XRN1: variants seen among roughly 807,000 people sequenced by gnomAD.
XRN1 encodes the protein 5'-3' exoribonuclease 1, also known as strand-exchange protein 1 homolog.
A neutral mutation model predicts 222.3 loss-of-function variants in XRN1; 67 were observed. That is an observed-to-expected ratio of 0.30 (90% confidence interval 0.25 to 0.37). The LOEUF (loss-of-function observed/expected upper bound fraction) is 0.37. Among genes scored for constraint, XRN1 ranks in the 10% least tolerant of loss-of-function variants. XRN1 has a pLI of 1.00. For missense variants in XRN1, 1,707 were observed against 2,000.2 expected, an observed-to-expected ratio of 0.85 and a Z score of 2.80; for synonymous variants, 643 against 652.4, an observed-to-expected ratio of 0.99 and a Z score of 0.22.
chr3:142,391,679 T>C (rs1276107576), intron 20 of XRN1, among the ~76,000 whole-genome samples: 1 of 148,654 alleles, frequency 6.7e-6, no homozygotes, highest in African/African-American at 2.5e-5. Flanking sequence ...TGGTGAGGTA[T>C]AATATGAATG....
intron 25 of XRN1, among the ~76,000 whole-genome samples, chr3:142,375,231 T>C (rs2067106840): frequency 6.6e-6 from 1 of 152,178 alleles, no homozygotes; most frequent in African/African-American, 2.4e-5. Flanking sequence ...GATCTTCAAA[T>C]ATAAGGTTAG....
In XRN1 at chr3:142,383,359, A is replaced by G. The variant is rs2067371802; in HGVS notation, c.2557T>C (p.Phe853Leu). 1 of 1,613,980 alleles carries G rather than the reference A, an allele frequency of 6.2e-7. No individual in the cohort carries two copies. The highest frequency in any genetic ancestry group is 1.1e-5 in the South Asian group (1 of 91,062). The change falls in exon 22 of 41, where the codon TTT becomes CTT. Residue 853 changes from phenylalanine (F) to leucine (L), a missense_variant. By Grantham distance (22) the Phe-to-Leu change is conservative. Around this residue, in one of 2 missense-constraint regions of XRN1, gnomAD observed 1,234 missense variants for 1,518.2 expected, o/e 0.81. Coordinates refer to ENST00000392981, the MANE Select transcript of XRN1 (RefSeq NM_001282857.2). ...FSNIKTLDDLFPLRSMVFMLG... is the reference protein window; with the variant it reads ...FSNIKTLDDLLPLRSMVFMLG... Reference sequence around the variant, plus strand: ...ATAAAGACCATACTTCTCAGAGGAAACAAATCATCCAATGTTTTGATATTG... The same window carrying G: ...ATAAAGACCATACTTCTCAGAGGAAGCAAATCATCCAATGTTTTGATATTG...
chr3:142,404,785 T>C, intron 16 of XRN1, 122 bp downstream of exon 16: 1 of 889,712 alleles, frequency 1.1e-6, no homozygotes, highest in Non-Finnish European at 1.7e-6. Context: ...CAATTGACTA[T>C]AACTGTCATA....
chr3:142,372,726 G>A (rs757679457), intron 25 of XRN1, among the ~76,000 whole-genome samples: 1 of 152,222 alleles, frequency 6.6e-6, no homozygotes, highest in South Asian at 2.1e-4. Context: ...TTGAAAAGTG[G>A]TCTGGGAGGT....
At chr3:142,443,227 C>A (rs1269840973) in intron 1 of XRN1, among the ~76,000 whole-genome samples, 2 of 152,180 alleles carry the variant, frequency 1.3e-5, no homozygotes, top group Non-Finnish European at 2.9e-5. Flanking sequence ...GAAATCTCAA[C>A]TGCACCACCC....
rs112937213 is a variant in XRN1, at chr3:142,342,375, A to T, written c.3877+4859T>A. 6.8e-3 allele frequency among the ~76,000 whole-genome samples: 1,030 copies of T among 152,322 alleles called. 16 individuals carry two copies. The highest frequency in any genetic ancestry group is 0.023 in the African/African-American group (976 of 41,576). On this transcript the variant is annotated intron_variant, in intron 33 of 40. Transcript: ENST00000392981. Reference sequence around the variant, plus strand: ...TTAAAATGTCCTATTACTCAAAGGGATCTACAGATTCAATGCAATCCCTGT... The same window carrying T: ...TTAAAATGTCCTATTACTCAAAGGGTTCTACAGATTCAATGCAATCCCTGT...
chr3:142,308,837 C>T lies in XRN1; in HGVS notation c.*2674G>A, dbSNP rs892133076. ...AATCTGTCCTATGCCCTAAACAGTC[C>T]ACCATTTTCACAAAAAGTCCTCAGA... On this transcript the variant is annotated 3_prime_UTR_variant, in exon 41 of 41. Transcript: ENST00000392981. 1 of 152,122 alleles carries T rather than the reference C, an allele frequency of 6.6e-6. No individual in the cohort carries two copies. Among genetic ancestry groups the T allele is most frequent in the Non-Finnish European group, 1.5e-5 (1 of 68,010 alleles). The allele number at this position is 152,122 out of a possible 1,614,324, so 9.4% of individuals were successfully genotyped here.
chr3:142,398,231 T>C (rs1412975553), intron 19 of XRN1, among the ~76,000 whole-genome samples: 1 of 152,014 alleles, frequency 6.6e-6, no homozygotes, highest in Non-Finnish European at 1.5e-5. Flanking sequence ...GAGCAAGACC[T>C]TGTCTCTCCC....
chr3:142,422,448 C>G, intron 8 of XRN1, 134 bp downstream of exon 8: 1 of 957,134 alleles, frequency 1.0e-6, no homozygotes, highest in East Asian at 2.6e-5. Flanking sequence ...GAGGTTAGCA[C>G]CTTAGACCAA....
At chr3:142,445,069 C>T (rs2070447431) in intron 1 of XRN1, among the ~76,000 whole-genome samples, 1 of 152,110 alleles carries the variant, frequency 6.6e-6, no homozygotes, top group African/African-American at 2.4e-5. Context: ...GCCTATCTTT[C>T]TTATCGTTAC....
At chr3:142,313,463 A>G (rs536302263) in intron 39 of XRN1, among the ~76,000 whole-genome samples, 6 of 152,216 alleles carry the variant, frequency 3.9e-5, no homozygotes, top group Admixed American at 3.9e-4. Context: ...TTATGGAGAC[A>G]GCCTGTACCA....
rs182996472 is a variant in XRN1 at position 142,357,297 on chromosome 3, A to G, written c.3465-178T>C. The stretch of plus-strand genomic sequence containing the variant: ...TCAATTTATAAGATGATGTATTTCT[A>G]AAAACTTTCCTAAGAGCATATTTAG... On this transcript the variant is annotated intron_variant, in intron 30 of 40. Transcript: ENST00000392981. Among the ~76,000 whole-genome samples, 4 of 152,328 alleles carry G rather than the reference A, an allele frequency of 2.6e-5. No individual in the cohort carries two copies. The East Asian group carries it at 7.7e-4, about 29-fold the overall frequency.
Position 142,421,026 on chromosome 3 carries a change from T to G in XRN1, c.1163A>C (p.Lys388Thr), listed in dbSNP as rs779713923. Residue 388 changes from lysine (K) to threonine (T), a missense_variant, in exon 10 of 41, where the codon AAA (lysine) becomes ACA (threonine). Lys to Thr is a moderately conservative substitution (Grantham distance 78). Around this residue, in one of 2 missense-constraint regions of XRN1, gnomAD observed 1,234 missense variants for 1,518.2 expected, o/e 0.81. Coordinates refer to ENST00000392981, the MANE Select transcript of XRN1 (RefSeq NM_001282857.2). The part of the protein sequence containing the change: ...AEEARNYKEK[K>T]KLKGQENSLC... ...TAAAAAAATAGACACCTTTAACTTTTTCTTTTCCTTGTAGTTCCTGGCTTC... is the reference window on the plus strand; with the variant it reads ...TAAAAAAATAGACACCTTTAACTTTGTCTTTTCCTTGTAGTTCCTGGCTTC... 6.2e-7 allele frequency: 1 copy of G among 1,614,020 alleles called. No homozygotes were observed. The highest frequency in any genetic ancestry group is 1.1e-5 in the South Asian group (1 of 91,060).
At chr3:142,441,650 G>A (rs1030313630) in intron 1 of XRN1, among the ~76,000 whole-genome samples, 1 of 152,150 alleles carries the variant, frequency 6.6e-6, no homozygotes, top group Non-Finnish European at 1.5e-5. Flanking sequence ...TGATGTGAAT[G>A]GTATACTCAC....
At position 142,414,201 on chromosome 3, in the gene XRN1, C is replaced by T. The variant is rs778938491; in HGVS notation, c.1527G>A (p.Lys509=). ...KIHFELGKPF[K]PFEQLLAVLP... is the part of the protein sequence containing the mutation. ...GTACAGCAAGAAGCTGTTCAAATGG[C>T]TTAAAAGGTTTTCCTAGTTCAAAAT... Residue 509 remains lysine (K), a synonymous_variant, in exon 14 of 41, where the codon AAG becomes AAA. Coordinates refer to ENST00000392981, the MANE Select transcript of XRN1 (RefSeq NM_001282857.2). 7 of 1,613,882 alleles carry T rather than the reference C, an allele frequency of 4.3e-6. No individual in the cohort carries two copies. The South Asian group carries it at 6.6e-5, about 15-fold the overall frequency.
At chr3:142,431,845 A>T (rs1282506954) in intron 2 of XRN1, among the ~76,000 whole-genome samples, 2 of 69,142 alleles carry the variant, frequency 2.9e-5, no homozygotes, top group Non-Finnish European at 5.1e-5. Flanking sequence ...TAATATTAAA[A>T]AATATATATA....
At chr3:142,415,577 A>G (rs559143143) in intron 13 of XRN1, among the ~76,000 whole-genome samples, 1 of 152,364 alleles carries the variant, frequency 6.6e-6, no homozygotes, top group South Asian at 2.1e-4. Context: ...AATGTAAGTT[A>G]CAACAGGAAT....
At chr3:142,385,018 A>G (rs187404751) in intron 20 of XRN1, among the ~76,000 whole-genome samples, 3 of 152,326 alleles carry the variant, frequency 2.0e-5, no homozygotes, top group East Asian at 1.9e-4. Flanking sequence ...ACATCTGTAC[A>G]TTACTGGTGG....
At chr3:142,404,791 T>C in intron 16 of XRN1, 116 bp downstream of exon 16, 2 of 957,394 alleles carry the variant, frequency 2.1e-6, no homozygotes, top group Non-Finnish European at 3.2e-6. Context: ...ACTATAACTG[T>C]CATAAACTAT....
Sources: allele counts gnomAD v4.1 joint callset (sites outside exome capture counted in the v4.1 genomes callset), GRCh38; gene constraint gnomAD v4.1.1; regional missense constraint gnomAD v4.1.1; transcripts MANE v1.5; gene names NCBI Gene and HGNC (gene_info 2026-07-23, HGNC 2026-07-21).